Variants in CCDC110 observed in about 807,000 individuals in gnomAD.
CCDC110 encodes the protein coiled-coil domain containing 110.
A neutral mutation model predicts 77.1 loss-of-function variants in CCDC110; 70 were observed. The observed-to-expected ratio is 0.91, with a 90% CI of 0.75 to 1.11. The LOEUF (loss-of-function observed/expected upper bound fraction) is 1.11, where lower values mean the gene tolerates loss of function less well. Ranked by LOEUF, CCDC110 falls within the 50% of genes least tolerant of loss-of-function variation. The pLI, the probability that CCDC110 is intolerant of heterozygous loss-of-function variation, is 0.00. For missense variants in CCDC110, 868 were observed against 942.9 expected (o/e 0.92, Z 1.04); for synonymous variants, 295 against 312.5 (o/e 0.94, Z 0.59).
At chr4:185,470,667 G>A (rs933508822) in intron 2 of CCDC110, 6 of 545,116 alleles carry the variant, frequency 1.1e-5, no homozygotes, top group African/African-American at 1.9e-5. Flanking sequence ...TCCATTCCTC[G>A]CTGCCTGTGT....
chr4:185,463,309 CTCAAATA>C lies in CCDC110; in HGVS notation c.116-267_116-261del, dbSNP rs2095649763. 4.6e-5 allele frequency among the ~76,000 whole-genome samples: 7 copies of C among 152,174 alleles called. No homozygotes were observed. In the South Asian group the frequency reaches 1.2e-3, roughly 27 times the overall value. On this transcript the variant is annotated intron_variant, in intron 2 of 6. Coordinates refer to ENST00000307588, the MANE Select transcript of CCDC110 (RefSeq NM_152775.4). Reference sequence around the variant, plus strand: ...ACACCACACTTAGAACTCTCAAAAACTCAAATATCAAATATCTTTGTTTCTGGGATAT... The same window carrying C: ...ACACCACACTTAGAACTCTCAAAAACTCAAATATCTTTGTTTCTGGGATAT...
chr4:185,451,324 G>A (rs2095628941), intron 6 of CCDC110, among the ~76,000 whole-genome samples: 1 of 152,204 alleles, frequency 6.6e-6, no homozygotes, highest in Admixed American at 6.5e-5. Context: ...GCCGGTCCAG[G>A]CTGCCTAGAG....
intron 2 of CCDC110, among the ~76,000 whole-genome samples, chr4:185,464,012 CAG>C (rs1014366587): frequency 3.3e-5 from 5 of 152,232 alleles, no homozygotes; most frequent in African/African-American, 9.6e-5. Flanking sequence ...AGATCTGCAA[CAG>C]GGGGAGACTC....
chr4:185,445,286 C>A lies in CCDC110; in HGVS notation c.*216G>T. The A allele has an allele frequency of 1.4e-6, 1 of 736,296 alleles. No homozygotes were observed. Among genetic ancestry groups the A allele is most frequent in the Non-Finnish European group, 2.2e-6 (1 of 460,756 alleles). 45.6% of individuals were successfully genotyped at this position (736,296 alleles called of 1,614,324 possible). ...AGCTCCTTCCATGTACAGGTACCTGCCCTCCCTTGTAGAAGTTCTCCCCCA... is the reference window on the plus strand; with the variant it reads ...AGCTCCTTCCATGTACAGGTACCTGACCTCCCTTGTAGAAGTTCTCCCCCA... On this transcript the variant is annotated 3_prime_UTR_variant, in exon 7 of 7. Coordinates refer to ENST00000307588, the MANE Select transcript of CCDC110 (RefSeq NM_152775.4).
intron 2 of CCDC110, among the ~76,000 whole-genome samples, chr4:185,466,280 C>T (rs1398208462): frequency 1.3e-5 from 2 of 152,074 alleles, no homozygotes; most frequent in Non-Finnish European, 2.9e-5. Context: ...GAGGCTGAGG[C>T]AGGAGAATCG....
chr4:185,466,181 C>T (rs1008518002), intron 2 of CCDC110, among the ~76,000 whole-genome samples: 1 of 152,052 alleles, frequency 6.6e-6, no homozygotes, highest in Non-Finnish European at 1.5e-5. Flanking sequence ...CGAGACCATC[C>T]TGGCTAACAT....
chr4:185,453,867 G>A (rs983626855), intron 6 of CCDC110, among the ~76,000 whole-genome samples: 4 of 150,144 alleles, frequency 2.7e-5, no homozygotes, highest in African/African-American at 9.8e-5. Flanking sequence ...AGGCTGGAGT[G>A]CAATGGTGTG....
intron 4 of CCDC110, among the ~76,000 whole-genome samples, chr4:185,462,397 A>G (rs1268935755): frequency 2.0e-5 from 3 of 152,216 alleles, no homozygotes; most frequent in African/African-American, 7.2e-5. Context: ...TGTAGTCTAT[A>G]TATAGACTTT....
At chr4:185,457,856 A>T in intron 6 of CCDC110, 1 of 1,162,796 alleles carries the variant, frequency 8.6e-7, no homozygotes, top group Non-Finnish European at 1.2e-6. Context: ...TGGGAGTGCT[A>T]CTTATACTTT....
chr4:185,458,813 T>G lies in CCDC110; in HGVS notation c.1774A>C (p.Thr592Pro). 1 of 1,608,608 alleles carries G rather than the reference T, an allele frequency of 6.2e-7. No individual in the cohort carries two copies. The highest frequency in any genetic ancestry group is 8.5e-7 in the Non-Finnish European group (1 of 1,178,760). Residue 592 changes from threonine (T) to proline (P), a missense_variant, in exon 6 of 7, where the codon ACA becomes CCA. Thr to Pro is a conservative substitution (Grantham distance 38). Coordinates refer to ENST00000307588, the MANE Select transcript of CCDC110 (RefSeq NM_152775.4). ...QDEKEMLEKK[T>P]HQLLKEKSSL... Reference sequence around the variant, plus strand: ...CTTTTTTCTTTTAGAAGCTGGTGTGTTTTTTTCTCTAACATTTCTTTTTCA... The same window carrying G: ...CTTTTTTCTTTTAGAAGCTGGTGTGGTTTTTTCTCTAACATTTCTTTTTCA...
chr4:185,465,480 G>A (rs1269432001), intron 2 of CCDC110, among the ~76,000 whole-genome samples: 1 of 152,170 alleles, frequency 6.6e-6, no homozygotes, highest in African/African-American at 2.4e-5. Context: ...TGATTGCACT[G>A]TTACTAAGCA....
At chr4:185,460,909 C>A in intron 5 of CCDC110, 140 bp downstream of exon 5, 1 of 602,088 alleles carries the variant, frequency 1.7e-6, no homozygotes. Context: ...TTAAGGTTTT[C>A]AGGACCGGAG....
At chr4:185,451,076 C>T (rs577390839) in intron 6 of CCDC110, among the ~76,000 whole-genome samples, 9 of 152,066 alleles carry the variant, frequency 5.9e-5, no homozygotes, top group East Asian at 1.9e-4. Context: ...ATAAGTCTCC[C>T]GAGATCTGAT....
intron 6 of CCDC110, 103 bp downstream of exon 6, chr4:185,458,023 T>A (rs1255377370): frequency 1.2e-6 from 1 of 804,202 alleles, no homozygotes; most frequent in Non-Finnish European, 1.8e-6. Flanking sequence ...AAAACAAAAT[T>A]GTATTCATTT....
chr4:185,453,562 T>A (rs932072388), intron 6 of CCDC110, among the ~76,000 whole-genome samples: 1 of 139,748 alleles, frequency 7.2e-6, no homozygotes, highest in South Asian at 2.3e-4. Context: ...TTTTTTTTTT[T>A]CCCGAGACAG....
At position 185,459,138 on chromosome 4, in the gene CCDC110, C is replaced by G. The variant is rs112140874; in HGVS notation, c.1449G>C (p.Leu483=). The change falls in exon 6 of 7, where the codon CTG becomes CTC. Residue 483 remains leucine, a synonymous_variant. Transcript: ENST00000307588. ...VETYEKQLKN[L]VEEKSTIQSK... is the part of the protein sequence containing the mutation. ...ACTGAATAGTACTCTTTTCTTCAAC[C>G]AGATTCTTAAGTTGCTTTTCATATG... The G allele has an allele frequency of 1.9e-4, 305 of 1,598,830 alleles. No homozygotes were observed. In the African/African-American group the frequency reaches 3.7e-3, roughly 19 times the overall value.
rs1438658046 is a variant in CCDC110 at position 185,460,825 on chromosome 4, TA to T, written c.348+223del. On this transcript the variant is annotated intron_variant, in intron 5 of 6. Coordinates refer to ENST00000307588, the MANE Select transcript of CCDC110 (RefSeq NM_152775.4). ...CTCGGGAATCTTTCACGATCTGGAC[TA>T]AGTCAAATGTCCCTCACAGACTCTT... is the stretch of plus-strand genomic sequence containing the variant. The T allele has an allele frequency of 4.3e-5, 20 of 461,298 alleles. 1 individual carries two copies. Among genetic ancestry groups the T allele is most frequent in the South Asian group, 3.8e-4 (20 of 52,880 alleles). The allele number at this position is 461,298 out of a possible 1,614,324, so 28.6% of individuals were successfully genotyped here.
At position 185,463,001 on chromosome 4, in the gene CCDC110, G is replaced by A; in HGVS notation, c.164C>T (p.Ala55Val). 6.2e-7 allele frequency: 1 copy of A among 1,612,966 alleles called. No homozygotes were observed. The highest frequency in any genetic ancestry group is 8.5e-7 in the Non-Finnish European group (1 of 1,179,002). ...AATGGAATATAGACTCACTTTCAAT[G>A]CTGATTGTGGTTGGATTTGATTTTC... ...ESENQIQPQS[A>V]LKVLQQQLES... The change falls in exon 3 of 7, where the codon GCA becomes GTA. Residue 55 changes from alanine (A) to valine (V), a missense_variant. Transcript: ENST00000307588.
intron 3 of CCDC110, 72 bp downstream of exon 3, chr4:185,462,922 G>T: frequency 1.6e-6 from 2 of 1,257,590 alleles, no homozygotes; most frequent in South Asian, 2.4e-5. Flanking sequence ...TTGCATTTAG[G>T]GAGTATTTAT....
Sources: allele counts gnomAD v4.1 joint callset (sites outside exome capture counted in the v4.1 genomes callset), GRCh38; gene constraint gnomAD v4.1.1; transcripts MANE v1.5; gene names NCBI Gene and HGNC (gene_info 2026-07-23, HGNC 2026-07-21).